The following MTFMT variants were observed in gnomAD, a reference collection of about 807,000 sequenced individuals.
The protein encoded by MTFMT is methionyl-tRNA formyltransferase, mitochondrial.
A neutral mutation model predicts 51.8 loss-of-function variants in MTFMT; 47 were observed. That is an observed-to-expected ratio of 0.91 (90% CI 0.72 to 1.16). The LOEUF (loss-of-function observed/expected upper bound fraction) is 1.16, where lower values mean the gene tolerates loss of function less well. Ranked by LOEUF, MTFMT falls within the 50% of genes most tolerant of loss-of-function variation. MTFMT has a pLI of 0.00. For missense variants in MTFMT, 512 were observed against 482.3 expected (o/e 1.06, Z -0.58); for synonymous variants, 196 against 176.7 (o/e 1.11, Z -0.87).
intron 6 of MTFMT, among the ~76,000 whole-genome samples, chr15:65,010,406 C>G (rs564462806): frequency 2.7e-3 from 418 of 152,226 alleles, no homozygotes; most frequent in African/African-American, 9.4e-3. Flanking sequence ...TATCCTCTCT[C>G]CTCCAGCCTA....
intron 6 of MTFMT, among the ~76,000 whole-genome samples, chr15:65,007,147 G>T (rs1193598339): frequency 1.3e-5 from 2 of 152,196 alleles, no homozygotes; most frequent in Non-Finnish European, 2.9e-5. Flanking sequence ...CCTGTGTGGT[G>T]GCCTGGTATT....
intron 8 of MTFMT, among the ~76,000 whole-genome samples, chr15:65,003,587 T>C (rs1057216606): frequency 6.6e-6 from 1 of 152,098 alleles, no homozygotes; most frequent in Non-Finnish European, 1.5e-5. Flanking sequence ...CCAGGCGTGG[T>C]GGCTCACGCC....
intron 3 of MTFMT, among the ~76,000 whole-genome samples, chr15:65,022,410 C>A (rs1199450354): frequency 6.6e-6 from 1 of 151,366 alleles, no homozygotes; most frequent in South Asian, 2.1e-4. Flanking sequence ...CTGAGATCAC[C>A]CCACTACATT....
At chr15:65,021,651 T>C (rs370705355) in intron 3 of MTFMT, 35 bp from the exon 4 acceptor site, 43 of 1,462,238 alleles carry the variant, frequency 2.9e-5, no homozygotes, top group Non-Finnish European at 4.0e-5. Flanking sequence ...ATGACAATGA[T>C]TACCATTTCC....
intron 5 of MTFMT, among the ~76,000 whole-genome samples, chr15:65,016,798 T>G (rs2086326605): frequency 7.0e-6 from 1 of 143,774 alleles, no homozygotes. Flanking sequence ...TTTTTTTTTT[T>G]GAGATAGGGT....
intron 5 of MTFMT, among the ~76,000 whole-genome samples, chr15:65,019,551 T>C (rs1029783612): frequency 1.4e-4 from 21 of 151,970 alleles, no homozygotes; most frequent in African/African-American, 4.6e-4. Flanking sequence ...ATATAAGAGA[T>C]AGGGAACAAG....
intron 5 of MTFMT, among the ~76,000 whole-genome samples, chr15:65,019,490 C>T (rs1280064340): frequency 2.0e-5 from 3 of 151,692 alleles, no homozygotes; most frequent in Admixed American, 1.3e-4. Flanking sequence ...ACACTCTTTC[C>T]AAAAACTTTA....
At chr15:65,006,330 G>C in intron 6 of MTFMT, 139 bp from the exon 7 acceptor site, 1 of 580,612 alleles carries the variant, frequency 1.7e-6, no homozygotes, top group Non-Finnish European at 3.2e-6. Context: ...TGATGGAACA[G>C]ACCGTAAACA....
chr15:65,017,357 C>G (rs1336435246), intron 5 of MTFMT, among the ~76,000 whole-genome samples: 3 of 152,082 alleles, frequency 2.0e-5, no homozygotes, highest in Non-Finnish European at 4.4e-5. Flanking sequence ...ATTAAAACTA[C>G]TCCAAGTAGT....
chr15:65,020,277 A>AG lies in MTFMT; in HGVS notation c.646-6_646-5insC. 3.0e-6 allele frequency: 1 copy of AG among 329,126 alleles called. No individual in the cohort carries two copies. The highest frequency in any genetic ancestry group is 4.8e-6 in the Non-Finnish European group (1 of 209,602). The allele number at this position is 329,126 out of a possible 1,614,324, so 20.4% of individuals were successfully genotyped here. On this transcript the variant is annotated splice_polypyrimidine_tract_variant and splice_region_variant and intron_variant, in intron 4 of 8. Coordinates refer to ENST00000220058, the MANE Select transcript of MTFMT (RefSeq NM_139242.4). ...ATTTTTCAAAACTGAAATGAGCTAC[A>AG]AAAAAAAAAAAAAGAGTGTGATATA... is the stretch of plus-strand genomic sequence containing the variant.
At chr15:65,012,274 T>C (rs1002018284) in intron 6 of MTFMT, among the ~76,000 whole-genome samples, 1 of 151,484 alleles carries the variant, frequency 6.6e-6, no homozygotes, top group African/African-American at 2.4e-5. Flanking sequence ...AACCTGCACA[T>C]TGTGCACATG....
intron 7 of MTFMT, among the ~76,000 whole-genome samples, chr15:65,005,733 C>G (rs1227625261): frequency 1.3e-5 from 2 of 151,790 alleles, no homozygotes; most frequent in Non-Finnish European, 2.9e-5. Context: ...CTCAGCCTCC[C>G]AAGTAGCTGG....
chr15:65,028,143 G>C (rs2086443626), intron 1 of MTFMT, among the ~76,000 whole-genome samples: 1 of 152,210 alleles, frequency 6.6e-6, no homozygotes, highest in Non-Finnish European at 1.5e-5. Flanking sequence ...GGATAGGCCA[G>C]GAATGATGGC....
chr15:65,003,080 C>G lies in MTFMT; in HGVS notation c.1152G>C (p.Met384Ile). 3.1e-6 allele frequency: 5 copies of G among 1,598,384 alleles called. No individual in the cohort carries two copies. The highest frequency in any genetic ancestry group is 4.3e-6 in the Non-Finnish European group (5 of 1,171,692). ...TKKKQKKTVA[M>I]QQCIE ...TTCCTAACTACTCAATGCATTGTTG[C>G]ATAGCAACAGTTTTTTTCTGCTTCT... The change falls in exon 9 of 9, where the codon ATG becomes ATC. Residue 384 changes from methionine to isoleucine, a missense_variant. Physicochemically the swap from Met to Ile is conservative, Grantham distance 10. Coordinates refer to ENST00000220058, the MANE Select transcript of MTFMT (RefSeq NM_139242.4).
intron 2 of MTFMT, among the ~76,000 whole-genome samples, chr15:65,025,531 G>A (rs1385243133): frequency 6.6e-6 from 1 of 152,200 alleles, no homozygotes; most frequent in Non-Finnish European, 1.5e-5. Context: ...GGCGAGAGTG[G>A]CAGCAGCGGA....
At chr15:65,020,324 A>C in intron 4 of MTFMT, 52 bp from the exon 5 acceptor site, 1 of 1,481,146 alleles carries the variant, frequency 6.8e-7, no homozygotes, top group East Asian at 2.3e-5. Context: ...GGGAAGAACA[A>C]AAGCAGAAAC....
In MTFMT at chr15:65,029,556, C is replaced by T; in HGVS notation, c.58G>A (p.Gly20Arg). The change falls in exon 1 of 9, where the codon GGG (glycine) becomes AGG (arginine). Residue 20 changes from glycine to arginine, a missense_variant. Physicochemically the swap from Gly to Arg is moderately radical, Grantham distance 125 (BLOSUM62 -2). Coordinates refer to ENST00000220058, the MANE Select transcript of MTFMT (RefSeq NM_139242.4). ...GPPLAHGARR[G>R]RPSPQWRALA... ...GCTCGCCACTGGGGACTCGGCCTCC[C>T]ACGCCTGGCGCCATGAGCCAGCGGA... 6.6e-7 allele frequency: 1 copy of T among 1,506,096 alleles called. No individual in the cohort carries two copies. Among genetic ancestry groups the T allele is most frequent in the Non-Finnish European group, 8.9e-7 (1 of 1,127,768 alleles). The allele number at this position is 1,506,096 out of a possible 1,614,324, so 93.3% of individuals were successfully genotyped here.
At chr15:65,007,473 TTTG>T (rs2086227832) in intron 6 of MTFMT, among the ~76,000 whole-genome samples, 1 of 152,244 alleles carries the variant, frequency 6.6e-6, no homozygotes, top group Non-Finnish European at 1.5e-5. Context: ...ATGATAGATA[TTTG>T]TTATTTTCAA....
rs1566945986 is a variant in MTFMT, at chr15:65,029,590, A to G, written c.24T>C (p.Cys8=). 1 of 1,381,836 alleles carries G rather than the reference A, an allele frequency of 7.2e-7. No homozygotes were observed. Among genetic ancestry groups the G allele is most frequent in the South Asian group, 1.3e-5 (1 of 75,478 alleles). 85.6% of individuals were successfully genotyped at this position (1,381,836 alleles called of 1,614,324 possible). A position where few individuals can be genotyped will look rare whatever the true frequency, so the allele number is the denominator to read the frequency against. The part of the protein sequence containing the change: MRVLVRR[C]WGPPLAHGAR... ...CGCCATGAGCCAGCGGAGGACCCCAACAGCGCCGCACCAACACCCTCATCG... is the reference window on the plus strand; with the variant it reads ...CGCCATGAGCCAGCGGAGGACCCCAGCAGCGCCGCACCAACACCCTCATCG... Residue 8 remains cysteine (C), a synonymous_variant, in exon 1 of 9, where the codon TGT becomes TGC. Coordinates refer to ENST00000220058, the MANE Select transcript of MTFMT (RefSeq NM_139242.4).
Sources: gnomAD v4.1 joint callset for allele counts (sites outside exome capture counted in the v4.1 genomes callset) on GRCh38, gnomAD v4.1.1 for gene constraint, MANE v1.5 for transcripts, NCBI Gene and HGNC (gene_info 2026-07-23, HGNC 2026-07-21) for gene names.